ITGA1: variants seen among roughly 807,000 people sequenced by gnomAD.
The protein encoded by ITGA1 is integrin alpha-1.
Under a neutral mutation model 145.9 loss-of-function variants are expected in ITGA1, and 85 were observed. That is an observed-to-expected ratio of 0.58 (90% confidence interval 0.49 to 0.70). The LOEUF (loss-of-function observed/expected upper bound fraction) is 0.70. ITGA1 is among the 30% of genes least tolerant of loss of function. ITGA1 has a pLI of 0.00. For missense variants in ITGA1, 1,351 were observed against 1,418.7 expected (o/e 0.95, Z 0.77); for synonymous variants, 520 against 495.3 (o/e 1.05, Z -0.66).
intron 11 of ITGA1, chr5:52,904,314 C>G (rs1750362810): frequency 6.6e-6 from 1 of 152,192 alleles, no homozygotes; most frequent in Non-Finnish European, 1.5e-5. Flanking sequence ...GGCTCATGGT[C>G]AGATTAACCC....
intron 1 of ITGA1, among the ~76,000 whole-genome samples, chr5:52,833,386 T>C (rs1749107787): frequency 6.6e-6 from 1 of 152,154 alleles, no homozygotes; most frequent in African/African-American, 2.4e-5. Context: ...TTATGTAAGA[T>C]GTACTTCTTC....
At chr5:52,800,174 G>GT (rs1748433587) in intron 1 of ITGA1, 3 of 581,434 alleles carry the variant, frequency 5.2e-6, no homozygotes, top group Non-Finnish European at 9.2e-6. Flanking sequence ...CCCCGAGCCT[G>GT]TTAGACGCAG....
At chr5:52,910,991 T>C (rs1750506827) in intron 14 of ITGA1, among the ~76,000 whole-genome samples, 1 of 125,414 alleles carries the variant, frequency 8.0e-6, no homozygotes, top group Admixed American at 8.3e-5. Flanking sequence ...ATGTATACTA[T>C]ATATAGTATG....
intron 1 of ITGA1, among the ~76,000 whole-genome samples, chr5:52,819,786 A>C (rs886767115): frequency 5.9e-5 from 9 of 152,186 alleles, no homozygotes; most frequent in Non-Finnish European, 1.0e-4. Context: ...TTTAGATCTG[A>C]CATTTAAGTC....
intron 1 of ITGA1, 144 bp from the exon 2 acceptor site, chr5:52,849,221 C>T (rs1426540933): frequency 1.6e-6 from 1 of 612,622 alleles, no homozygotes; most frequent in East Asian, 2.8e-5. Context: ...GAGTGGAGAC[C>T]TTCCTTGAGT....
intron 6 of ITGA1, among the ~76,000 whole-genome samples, chr5:52,877,060 C>T (rs1749878414): frequency 6.6e-6 from 1 of 152,078 alleles, no homozygotes. Context: ...TGGATTTTAA[C>T]ATATGGACCT....
chr5:52,800,322 A>G (rs1404390999), intron 1 of ITGA1: 6 of 1,561,696 alleles, frequency 3.8e-6, no homozygotes, highest in East Asian at 2.2e-5. Context: ...CTGCATTCCC[A>G]TCCCCTCTCC....
chr5:52,929,501 T>C, intron 20 of ITGA1, 124 bp from the exon 21 acceptor site: 1 of 631,036 alleles, frequency 1.6e-6, no homozygotes, highest in East Asian at 2.9e-5. Flanking sequence ...GGTTTCATTT[T>C]GTAAGACAAT....
intron 6 of ITGA1, among the ~76,000 whole-genome samples, chr5:52,877,973 G>T (rs1749893665): frequency 6.6e-6 from 1 of 152,204 alleles, no homozygotes; most frequent in South Asian, 2.1e-4. Flanking sequence ...GAAAGCAGAT[G>T]AATTGGGGAA....
chr5:52,927,225 C>T (rs984598168), intron 19 of ITGA1, among the ~76,000 whole-genome samples: 4 of 152,180 alleles, frequency 2.6e-5, no homozygotes, highest in Admixed American at 2.6e-4. Flanking sequence ...GCACTAAACT[C>T]CTCCAATGAC....
At chr5:52,844,635 T>C (rs1417143444) in intron 1 of ITGA1, among the ~76,000 whole-genome samples, 1 of 152,150 alleles carries the variant, frequency 6.6e-6, no homozygotes, top group African/African-American at 2.4e-5. Flanking sequence ...CACAATATAG[T>C]TATTATTTAT....
rs774924063 is a variant in ITGA1, at chr5:52,925,401, C to T, written c.2527C>T (p.Leu843Phe). Residue 843 changes from leucine (L) to phenylalanine (F), a missense_variant, in exon 19 of 29, where the codon CTC becomes TTC. Leu to Phe is a conservative substitution (Grantham distance 22). Coordinates refer to ENST00000282588, the MANE Select transcript of ITGA1 (RefSeq NM_181501.2). ...RSQNDKFNVSLTVKNTKDSAY... is the reference protein window; with the variant it reads ...RSQNDKFNVSFTVKNTKDSAY... ...CCAGAATGATAAGTTCAACGTTAGC[C>T]TCACAGTCAAAAATACAAAGGACAG... 4 of 1,614,032 alleles carry T rather than the reference C, an allele frequency of 2.5e-6. No individual in the cohort carries two copies. The highest frequency in any genetic ancestry group is 3.4e-6 in the Non-Finnish European group (4 of 1,179,892).
At chr5:52,849,506 G>T in intron 2 of ITGA1, 21 bp downstream of exon 2, 1 of 1,572,002 alleles carries the variant, frequency 6.4e-7, no homozygotes, top group Non-Finnish European at 8.7e-7. Context: ...GGGTTTTGTT[G>T]TTGTTATTTA....
At chr5:52,841,317 T>C (rs562583669) in intron 1 of ITGA1, among the ~76,000 whole-genome samples, 1 of 152,234 alleles carries the variant, frequency 6.6e-6, no homozygotes, top group Admixed American at 6.5e-5. Context: ...GATTATGATG[T>C]CATTTCCAAA....
intron 1 of ITGA1, among the ~76,000 whole-genome samples, chr5:52,807,066 T>C (rs896879064): frequency 5.3e-5 from 8 of 152,062 alleles, no homozygotes; most frequent in African/African-American, 1.2e-4. Flanking sequence ...AACCCCATTC[T>C]TTAGAATGTT....
chr5:52,939,758 A>G (rs1751025200), intron 25 of ITGA1, 67 bp downstream of exon 25: 12 of 1,442,196 alleles, frequency 8.3e-6, no homozygotes, highest in Non-Finnish European at 1.1e-5. Flanking sequence ...ATCAATCTAG[A>G]AATAACCATC....
intron 1 of ITGA1, among the ~76,000 whole-genome samples, chr5:52,793,748 A>G (rs1351724256): frequency 6.6e-6 from 1 of 152,028 alleles, no homozygotes; most frequent in Non-Finnish European, 1.5e-5. Flanking sequence ...TTAGGGGATA[A>G]TTGCTCCTCT....
Position 52,956,121 on chromosome 5 carries a change from G to C in ITGA1, c.*3670G>C, listed in dbSNP as rs1751300194. 1 of 152,106 alleles carries C rather than the reference G, an allele frequency of 6.6e-6. No homozygotes were observed. The highest frequency in any genetic ancestry group is 2.4e-5 in the African/African-American group (1 of 41,410). 9.4% of individuals were successfully genotyped at this position (152,106 alleles called of 1,614,324 possible). On this transcript the variant is annotated 3_prime_UTR_variant, in exon 29 of 29. Transcript: ENST00000282588. ...AAAGCTGGGGTATAGTAGAGGCTGG[G>C]GAATCCCTGCCCATGTTCTCTCCAA...
chr5:52,860,272 G>A (rs1338287807), intron 2 of ITGA1, among the ~76,000 whole-genome samples: 1 of 152,164 alleles, frequency 6.6e-6, no homozygotes, highest in Non-Finnish European at 1.5e-5. Flanking sequence ...ATCTGGCTGG[G>A]CGTGGTGGCT....
Sources: gnomAD v4.1 joint callset for allele counts (sites outside exome capture counted in the v4.1 genomes callset) on GRCh38, gnomAD v4.1.1 for gene constraint, MANE v1.5 for transcripts, NCBI Gene and HGNC (gene_info 2026-07-23, HGNC 2026-07-21) for gene names.